NF2: variants seen among roughly 807,000 people sequenced by gnomAD.
The protein encoded by NF2 is NF2, moesin-ezrin-radixin like (MERLIN) tumor suppressor.
NF2 carries 8 observed loss-of-function variants against 83.7 expected under a neutral mutation model. The observed-to-expected ratio is 0.10, with a 90% confidence interval of 0.06 to 0.17. The LOEUF is 0.17. Among genes scored for constraint, NF2 ranks in the 10% least tolerant of loss-of-function variants. The pLI is 1.00. For missense variants in NF2, 533 were observed against 744.4 expected (o/e 0.72, Z 3.31); for synonymous variants, 266 against 269.6 (o/e 0.99, Z 0.13).
At chr22:29,614,468 G>A (rs2065032533) in intron 1 of NF2, among the ~76,000 whole-genome samples, 1 of 151,962 alleles carries the variant, frequency 6.6e-6, no homozygotes, top group Non-Finnish European at 1.5e-5. Flanking sequence ...TGTAGTCCCA[G>A]CTACTTAGGA....
rs1398572797 is a variant in NF2, at chr22:29,630,290, ATAAGTGC to A, written c.115-6459_115-6453del. 7.2e-5 allele frequency among the ~76,000 whole-genome samples: 11 copies of A among 152,280 alleles called. No homozygotes were observed. In the East Asian group the frequency reaches 2.1e-3, roughly 29 times the overall value. On this transcript the variant is annotated intron_variant, in intron 1 of 15. Coordinates refer to ENST00000338641, the MANE Select transcript of NF2 (RefSeq NM_000268.4). ...TCCAGCTACGTTCCTGCTGTGGAACATAAGTGCTTAGTGCTATTTACTTAAAACATTC... is the reference window on the plus strand; with the variant it reads ...TCCAGCTACGTTCCTGCTGTGGAACATTAGTGCTATTTACTTAAAACATTC...
intron 2 of NF2, 148 bp from the exon 3 acceptor site, chr22:29,638,942 C>T (rs2065722853): frequency 1.7e-6 from 2 of 1,191,940 alleles, no homozygotes; most frequent in African/African-American, 1.5e-5. Context: ...TTTGTGAATA[C>T]TTCAAACTGT....
chr22:29,642,385 G>A (rs769001515), intron 4 of NF2, 100 bp downstream of exon 4: 1 of 937,920 alleles, frequency 1.1e-6, no homozygotes, highest in African/African-American at 1.6e-5. Flanking sequence ...ACTTCAGAGA[G>A]ACTTGCCCCA....
Position 29,636,947 on chromosome 22 carries a change from A to G in NF2, c.240+71A>G. The stretch of plus-strand genomic sequence containing the variant: ...CCAGTTTTTCCCTGAGCAGGCGCCT[A>G]GCTCATCACTGGGGCGCTGTAGCTG... On this transcript the variant is annotated intron_variant, in intron 2 of 15. Coordinates refer to ENST00000338641, the MANE Select transcript of NF2 (RefSeq NM_000268.4). This position sits in a 1 kb window ranked among gnomAD's most constrained non-coding sequence, Gnocchi z 4.4. 1 of 1,606,956 alleles carries G rather than the reference A, an allele frequency of 6.2e-7. No homozygotes were observed. The highest frequency in any genetic ancestry group is 8.5e-7 in the Non-Finnish European group (1 of 1,174,996).
Position 29,639,151 on chromosome 22 carries a change from A to G in NF2, c.302A>G (p.Tyr101Cys), listed in dbSNP as rs1240469044. The G allele has an allele frequency of 6.2e-7, 1 of 1,614,086 alleles. No homozygotes were observed. Among genetic ancestry groups the G allele is most frequent in the African/African-American group, 1.3e-5 (1 of 74,930 alleles). The change falls in exon 3 of 16, where the codon TAT (tyrosine) becomes TGT (cysteine). Residue 101 changes from tyrosine to cysteine, a missense_variant. This residue lies in a region of NF2 where 326 missense variants were observed against 475.1 expected (regional missense o/e 0.69). Transcript: ENST00000338641. ...ACCTTTCACTTCTTGGCCAAATTTT[A>G]TCCTGAGAATGCTGAAGAGGAGCTG... ...PVTFHFLAKFYPENAEEELVQ... is the reference protein window; with the variant it reads ...PVTFHFLAKFCPENAEEELVQ...
intron 4 of NF2, among the ~76,000 whole-genome samples, chr22:29,652,175 C>T (rs926832734): frequency 6.6e-6 from 1 of 151,836 alleles, no homozygotes; most frequent in Admixed American, 6.6e-5. Context: ...TACTTCAGCA[C>T]CCCCCCACTT....
intron 2 of NF2, among the ~76,000 whole-genome samples, chr22:29,638,516 A>G (rs928852929): frequency 6.6e-6 from 1 of 151,998 alleles, no homozygotes; most frequent in African/African-American, 2.4e-5. Context: ...ACACCTGGCT[A>G]ATTTTTTGTA....
chr22:29,643,771 T>C (rs1377356919), intron 4 of NF2, among the ~76,000 whole-genome samples: 1 of 152,214 alleles, frequency 6.6e-6, no homozygotes, highest in Non-Finnish European at 1.5e-5. Context: ...AAAGCCGCCA[T>C]TGTCATCCTG....
intron 1 of NF2, among the ~76,000 whole-genome samples, chr22:29,635,116 C>G (rs1167772686): frequency 6.6e-6 from 1 of 152,084 alleles, no homozygotes; most frequent in Non-Finnish European, 1.5e-5. Context: ...TAGGTTGCTG[C>G]TTTGCTTGAC....
rs73390944 is a variant in NF2, at chr22:29,696,706, A to C, written c.*1904A>C. On this transcript the variant is annotated 3_prime_UTR_variant, in exon 16 of 16. Transcript: ENST00000338641. Reference sequence around the variant, plus strand: ...CTCCAGACCTAGAGCGTAAGTATGGATGTTGTGGCCCTGTGTCTTCCTAGT... The same window carrying C: ...CTCCAGACCTAGAGCGTAAGTATGGCTGTTGTGGCCCTGTGTCTTCCTAGT... The C allele has an allele frequency of 9.4e-6, 2 of 213,860 alleles. No homozygotes were observed. The highest frequency in any genetic ancestry group is 1.4e-4 in the East Asian group (2 of 14,586). 13.2% of individuals were successfully genotyped at this position (213,860 alleles called of 1,614,324 possible). A position where few individuals can be genotyped will look rare whatever the true frequency, so the allele number is the denominator to read the frequency against.
intron 10 of NF2, among the ~76,000 whole-genome samples, chr22:29,669,872 C>T (rs2066729727): frequency 1.3e-5 from 2 of 152,194 alleles, no homozygotes; most frequent in South Asian, 4.1e-4. Context: ...TTCTCCATCT[C>T]AGATGAAGGG....
In NF2 at chr22:29,642,210, G is replaced by A. The variant is rs1270877164; in HGVS notation, c.372G>A (p.Lys124=). The change falls in exon 4 of 16, where the codon AAG becomes AAA. Residue 124 remains lysine (K), a synonymous_variant. Transcript: ENST00000338641. ...CTTGTTGCTCCTTTCAGGTAAAGAA[G>A]CAGATTTTAGATGAAAAGATCTACT... ...TQHLFFLQVK[K]QILDEKIYCP... The A allele has an allele frequency of 6.2e-7, 1 of 1,613,892 alleles. No homozygotes were observed. Among genetic ancestry groups the A allele is most frequent in the Non-Finnish European group, 8.5e-7 (1 of 1,179,796 alleles).
chr22:29,675,153 C>T (rs1448664784), intron 13 of NF2, among the ~76,000 whole-genome samples: 2 of 152,172 alleles, frequency 1.3e-5, no homozygotes, highest in Admixed American at 6.5e-5. Flanking sequence ...TCTTTGGTTG[C>T]CTGGATAACA....
At chr22:29,685,853 C>T (rs147759566) in intron 15 of NF2, among the ~76,000 whole-genome samples, 8 of 152,266 alleles carry the variant, frequency 5.3e-5, no homozygotes, top group Admixed American at 2.0e-4. Flanking sequence ...CAGGGGTTAC[C>T]GCATTCCCTG....
chr22:29,650,200 G>T (rs2066105583), intron 4 of NF2, among the ~76,000 whole-genome samples: 1 of 152,090 alleles, frequency 6.6e-6, no homozygotes, highest in South Asian at 2.1e-4. Flanking sequence ...TACACTTAAT[G>T]TAAATTTTAT....
At chr22:29,668,261 G>T in intron 9 of NF2, 72 bp from the exon 10 acceptor site, 1 of 1,059,378 alleles carries the variant, frequency 9.4e-7, no homozygotes, top group Non-Finnish European at 1.5e-6. Context: ...AACTGCTATG[G>T]CACTAGTGGG....
chr22:29,609,027 A>C lies in NF2; in HGVS notation c.114+4915A>C. ...ACCGGAATGTAATGGATGAACATGC[A>C]TGTGATGGTGTCCAAGCCAGAACAG... is the stretch of plus-strand genomic sequence containing the variant. On this transcript the variant is annotated intron_variant, in intron 1 of 15. Coordinates refer to ENST00000338641, the MANE Select transcript of NF2 (RefSeq NM_000268.4). The C allele has an allele frequency of 4.3e-6, 3 of 704,930 alleles. No individual in the cohort carries two copies. In the South Asian group the frequency reaches 4.5e-5, roughly 11 times the overall value. The allele number at this position is 704,930 out of a possible 1,614,324, so 43.7% of individuals were successfully genotyped here. A position where few individuals can be genotyped will look rare whatever the true frequency, so the allele number is the denominator to read the frequency against.
At chr22:29,618,426 T>C (rs1478061454) in intron 1 of NF2, among the ~76,000 whole-genome samples, 13 of 151,906 alleles carry the variant, frequency 8.6e-5, no homozygotes, top group Admixed American at 7.2e-4. Flanking sequence ...TGTTACCTTA[T>C]GCTAATAAGT....
At chr22:29,647,283 A>G (rs1158778941) in intron 4 of NF2, among the ~76,000 whole-genome samples, 1 of 152,156 alleles carries the variant, frequency 6.6e-6, no homozygotes, top group Non-Finnish European at 1.5e-5. Flanking sequence ...GTTTCTTAGT[A>G]CTCTTTAATG....
Sources: allele counts gnomAD v4.1 joint callset (sites outside exome capture counted in the v4.1 genomes callset), GRCh38; gene constraint gnomAD v4.1.1; regional missense constraint gnomAD v4.1.1; non-coding constraint Gnocchi (gnomAD v3.1); transcripts MANE v1.5; gene names NCBI Gene and HGNC (gene_info 2026-07-23, HGNC 2026-07-21).